Variants in ACCSL observed in about 807,000 individuals in gnomAD.
ACCSL encodes 1-aminocyclopropane-1-carboxylate synthase homolog (inactive) like, also known as probable inactive 1-aminocyclopropane-1-carboxylate synthase-like protein 2.
A neutral mutation model predicts 61.7 loss-of-function variants in ACCSL; 55 were observed. That is an observed-to-expected ratio of 0.89 (90% confidence interval 0.72 to 1.12). The LOEUF (loss-of-function observed/expected upper bound fraction) is 1.12, where lower values mean the gene tolerates loss of function less well. Ranked by LOEUF, ACCSL falls within the 50% of genes most tolerant of loss-of-function variation. The probability of loss-of-function intolerance (pLI) is 0.00; values close to 1 mark genes in which losing one functional copy is unlikely to be tolerated. For missense variants in ACCSL, 632 were observed against 698.0 expected, an observed-to-expected ratio of 0.91 and a Z score of 1.07; for synonymous variants, 258 against 264.3, an observed-to-expected ratio of 0.98 and a Z score of 0.23.
At chr11:44,007,357 A>G in the ACCSL span, among the ~76,000 whole-genome samples, 58,211 of 152,050 alleles carry the variant, frequency 0.38, 11,634 homozygotes, top group East Asian at 0.73. Flanking sequence ...GCGAGAAAGA[A>G]GCCCCAAGGC....
the ACCSL span, among the ~76,000 whole-genome samples, chr11:43,981,056 CAG>C: frequency 1.3e-5 from 2 of 152,070 alleles, no homozygotes; most frequent in Non-Finnish European, 2.9e-5. Context: ...GATGTGATCT[CAG>C]GGAGCAGTAA....
the ACCSL span, among the ~76,000 whole-genome samples, chr11:44,030,410 G>A: frequency 8.8e-5 from 13 of 148,562 alleles, no homozygotes; most frequent in African/African-American, 2.7e-4. Flanking sequence ...ATCCCTCCCC[G>A]CCTATTCTCC....
the ACCSL span, among the ~76,000 whole-genome samples, chr11:44,017,077 C>A: frequency 6.6e-6 from 1 of 152,150 alleles, no homozygotes. Context: ...TCCTAGAGCT[C>A]ATCAAGGACA....
the ACCSL span, among the ~76,000 whole-genome samples, chr11:43,967,167 C>CTTTTTTTT: frequency 0.027 from 1,710 of 62,682 alleles, 304 homozygotes; most frequent in Admixed American, 0.031. Flanking sequence ...TCTTCTTCTT[C>CTTTTTTTT]TTTTTTTTTT....
chr11:44,019,542 A>T, the ACCSL span, among the ~76,000 whole-genome samples: 1 of 152,100 alleles, frequency 6.6e-6, no homozygotes, highest in South Asian at 2.1e-4. Context: ...ACATTTGTAT[A>T]TATTATTTGG....
chr11:43,935,029 T>C, the ACCSL span, among the ~76,000 whole-genome samples: 1 of 152,150 alleles, frequency 6.6e-6, no homozygotes, highest in South Asian at 2.1e-4. Flanking sequence ...CACCCCTCCA[T>C]GGAAGCCAGC....
chr11:43,969,602 G>A, the ACCSL span, among the ~76,000 whole-genome samples: 1 of 151,974 alleles, frequency 6.6e-6, no homozygotes, highest in Middle Eastern at 3.4e-3. Flanking sequence ...TCCCTGTGGT[G>A]GGAGAGAATC....
the ACCSL span, among the ~76,000 whole-genome samples, chr11:43,979,974 T>C: frequency 2.6e-5 from 4 of 152,116 alleles, no homozygotes; most frequent in African/African-American, 9.7e-5. Flanking sequence ...CTCCCTGATA[T>C]ATGTTATTTC....
chr11:43,987,436 C>T, the ACCSL span, among the ~76,000 whole-genome samples: 4 of 152,082 alleles, frequency 2.6e-5, no homozygotes, highest in African/African-American at 7.2e-5. Flanking sequence ...TGGCGGGGGA[C>T]GGGGCTGCAG....
chr11:44,006,267 A>C, the ACCSL span, among the ~76,000 whole-genome samples: 1 of 151,964 alleles, frequency 6.6e-6, no homozygotes, highest in Non-Finnish European at 1.5e-5. Context: ...TGGACCTGCC[A>C]CCAAAGTGGG....
chr11:43,967,167 CTTTTTTTTTTTTTTTT>C, the ACCSL span, among the ~76,000 whole-genome samples: 1 of 62,694 alleles, frequency 1.6e-5, no homozygotes. Context: ...TCTTCTTCTT[CTTTTTTTTTTTTTTTT>C]TTTTTTTTTT....
At chr11:43,935,798 T>C in the ACCSL span, among the ~76,000 whole-genome samples, 1 of 152,174 alleles carries the variant, frequency 6.6e-6, no homozygotes, top group African/African-American at 2.4e-5. Flanking sequence ...CAGCAACAAA[T>C]GACATTTCTG....
chr11:44,011,754 C>A, the ACCSL span, among the ~76,000 whole-genome samples: 32 of 152,180 alleles, frequency 2.1e-4, no homozygotes, highest in African/African-American at 7.2e-4. Context: ...GTGGTGGAGA[C>A]CCTGATAAAC....
chr11:44,020,353 C>T, the ACCSL span, among the ~76,000 whole-genome samples: 83,022 of 152,012 alleles, frequency 0.55, 23,002 homozygotes, highest in Admixed American at 0.6. Context: ...ACTAGACTAT[C>T]CAGTACAATG....
At chr11:43,939,177 C>G in the ACCSL span, among the ~76,000 whole-genome samples, 2 of 152,338 alleles carry the variant, frequency 1.3e-5, no homozygotes, top group Middle Eastern at 6.8e-3. Flanking sequence ...GAATTATAGG[C>G]TCAATAGGCA....
chr11:44,022,763 G>A, the ACCSL span, among the ~76,000 whole-genome samples: 1 of 152,106 alleles, frequency 6.6e-6, no homozygotes, highest in Non-Finnish European at 1.5e-5. Context: ...GAGGATTTTT[G>A]TGTCTATATT....
chr11:44,026,870 C>T, the ACCSL span, among the ~76,000 whole-genome samples: 5 of 152,260 alleles, frequency 3.3e-5, no homozygotes, highest in African/African-American at 9.6e-5. Context: ...GTTGGAATTA[C>T]AGGCATGTGC....
At chr11:43,947,025 T>C in the ACCSL span, 1 of 152,124 alleles carries the variant, frequency 6.6e-6, no homozygotes, top group African/African-American at 2.4e-5. Context: ...AGGTAATTTG[T>C]AAAGGAAAGA....
the ACCSL span, among the ~76,000 whole-genome samples, chr11:44,031,178 T>G: frequency 2.0e-5 from 3 of 152,168 alleles, no homozygotes; most frequent in African/African-American, 7.2e-5. Flanking sequence ...TTAGGAGGAT[T>G]CCATGAGATA....
Sources: gnomAD v4.1 joint callset for allele counts (sites outside exome capture counted in the v4.1 genomes callset) on GRCh38, gnomAD v4.1.1 for gene constraint, MANE v1.5 for transcripts, NCBI Gene and HGNC (gene_info 2026-07-23, HGNC 2026-07-21) for gene names.